NUBPL: variants seen among roughly 807,000 people sequenced by gnomAD.
NUBPL encodes the protein iron-sulfur cluster transfer protein NUBPL.
In NUBPL, 31 loss-of-function variants were observed where a neutral mutation model predicts 45.7. The ratio of observed to expected loss-of-function variants is 0.68; its 90% CI spans 0.51 to 0.92. The LOEUF is 0.92. NUBPL is among the 40% of genes least tolerant of loss of function. NUBPL has a pLI of 0.00. For missense variants in NUBPL, 401 were observed against 398.7 expected, an observed-to-expected ratio of 1.01 and a Z score of -0.05; for synonymous variants, 144 against 140.9, an observed-to-expected ratio of 1.02 and a Z score of -0.15.
At chr14:31,735,735 C>T (rs1350050790) in intron 6 of NUBPL, among the ~76,000 whole-genome samples, 2 of 152,040 alleles carry the variant, frequency 1.3e-5, no homozygotes, top group Non-Finnish European at 2.9e-5. Context: ...GCCTGTAATC[C>T]CAGCTACTCG....
intron 7 of NUBPL, among the ~76,000 whole-genome samples, chr14:31,800,401 A>G (rs1395649784): frequency 6.6e-6 from 1 of 152,228 alleles, no homozygotes; most frequent in Non-Finnish European, 1.5e-5. Flanking sequence ...CCCCACAACA[A>G]TTATAATAGT....
intron 6 of NUBPL, among the ~76,000 whole-genome samples, chr14:31,729,378 A>C (rs777695542): frequency 6.7e-6 from 1 of 150,094 alleles, no homozygotes; most frequent in Non-Finnish European, 1.5e-5. Context: ...GGCCCTTAGC[A>C]TTATAGGTGA....
intron 3 of NUBPL, among the ~76,000 whole-genome samples, chr14:31,573,912 C>A (rs1034196968): frequency 3.9e-5 from 6 of 151,966 alleles, no homozygotes; most frequent in African/African-American, 1.5e-4. Flanking sequence ...TCCTTGGTGC[C>A]TTGTCCAGTA....
chr14:31,705,882 A>G (rs1595521765), intron 6 of NUBPL, among the ~76,000 whole-genome samples: 1 of 152,164 alleles, frequency 6.6e-6, no homozygotes, highest in South Asian at 2.1e-4. Context: ...CTGGCTGGCC[A>G]TGCCCAGTGC....
chr14:31,676,379 G>T (rs1224531378), intron 6 of NUBPL, among the ~76,000 whole-genome samples: 2 of 151,984 alleles, frequency 1.3e-5, no homozygotes, highest in Non-Finnish European at 2.9e-5. Context: ...TGAAATTCAT[G>T]TTTATTGTTG....
intron 6 of NUBPL, among the ~76,000 whole-genome samples, chr14:31,697,337 G>T (rs574312630): frequency 6.6e-6 from 1 of 152,276 alleles, no homozygotes; most frequent in South Asian, 2.1e-4. Flanking sequence ...ATTGATCAAA[G>T]GGGAATGAAA....
intron 3 of NUBPL, among the ~76,000 whole-genome samples, chr14:31,568,104 T>C (rs2033486170): frequency 6.6e-6 from 1 of 152,212 alleles, no homozygotes; most frequent in Non-Finnish European, 1.5e-5. Context: ...GCCAGTAATA[T>C]GGTTTTTTTC....
intron 7 of NUBPL, among the ~76,000 whole-genome samples, chr14:31,798,133 C>G (rs1489581791): frequency 6.6e-6 from 1 of 152,086 alleles, no homozygotes; most frequent in East Asian, 1.9e-4. Context: ...GCCCCCTTAT[C>G]TTTCTTACCA....
chr14:31,818,373 C>CA (rs2039959801), intron 7 of NUBPL, among the ~76,000 whole-genome samples: 1 of 152,180 alleles, frequency 6.6e-6, no homozygotes, highest in African/African-American at 2.4e-5. Context: ...AGCACCACAT[C>CA]GCACTTACTC....
chr14:31,605,825 C>G (rs2139581150), intron 4 of NUBPL, among the ~76,000 whole-genome samples: 1 of 144,038 alleles, frequency 6.9e-6, no homozygotes, highest in Non-Finnish European at 1.5e-5. Context: ...CTTCTCCTTT[C>G]TCGTCTCCTC....
At position 31,688,655 on chromosome 14, in the gene NUBPL, G is replaced by GT. The variant is rs1400278768; in HGVS notation, c.513+15083dup. Among the ~76,000 whole-genome samples, 18 of 102,780 alleles carry GT rather than the reference G, an allele frequency of 1.8e-4. No individual in the cohort carries two copies. The East Asian group carries it at 1.9e-3, about 11-fold the overall frequency. The allele number at this position is 102,780 out of a possible 152,430, so 67.4% of individuals were successfully genotyped here. A position where few individuals can be genotyped will look rare whatever the true frequency, so the allele number is the denominator to read the frequency against. ...CTATCTGCCTGAACAGGTTTTTGTT[G>GT]TTGTTTTTTTTTTTTTTTAACTTTT... On this transcript the variant is annotated intron_variant, in intron 6 of 10. Coordinates refer to ENST00000281081, the MANE Select transcript of NUBPL (RefSeq NM_025152.3).
chr14:31,642,361 A>G (rs2035728691), intron 4 of NUBPL, among the ~76,000 whole-genome samples: 1 of 152,162 alleles, frequency 6.6e-6, no homozygotes, highest in Non-Finnish European at 1.5e-5. Flanking sequence ...ATTTTTGTAC[A>G]TGGTGAGAAA....
In NUBPL at chr14:31,608,000, A is replaced by G. The variant is rs138562399; in HGVS notation, c.382+8621A>G. Among the ~76,000 whole-genome samples, 59 of 152,356 alleles carry G rather than the reference A, an allele frequency of 3.9e-4. 1 individual carries two copies. Among genetic ancestry groups the G allele is most frequent in the African/African-American group, 1.3e-3 (52 of 41,582 alleles). ...ACAATCCTAAAAGCAGCAAGAGAAA[A>G]GAAATAAATGACATACAATGGAGCT... On this transcript the variant is annotated intron_variant, in intron 4 of 10. Coordinates refer to ENST00000281081, the MANE Select transcript of NUBPL (RefSeq NM_025152.3).
intron 7 of NUBPL, among the ~76,000 whole-genome samples, chr14:31,808,357 T>C (rs530738786): frequency 9.8e-5 from 15 of 152,358 alleles, no homozygotes; most frequent in Middle Eastern, 3.4e-3. Flanking sequence ...TCAGTGGGAT[T>C]CCTAGATATT....
intron 7 of NUBPL, among the ~76,000 whole-genome samples, chr14:31,793,418 C>G (rs561337226): frequency 6.6e-6 from 1 of 152,200 alleles, no homozygotes; most frequent in East Asian, 1.9e-4. Context: ...TCACTTCCCC[C>G]TCTTTGGAAA....
At chr14:31,678,434 C>T (rs369925418) in intron 6 of NUBPL, among the ~76,000 whole-genome samples, 131 of 152,348 alleles carry the variant, frequency 8.6e-4, no homozygotes, top group African/African-American at 3.1e-3. Context: ...CAGAGTCTCA[C>T]CCAAAGGACC....
intron 6 of NUBPL, among the ~76,000 whole-genome samples, chr14:31,682,668 T>G (rs2036861163): frequency 6.6e-6 from 1 of 152,218 alleles, no homozygotes; most frequent in African/African-American, 2.4e-5. Context: ...TATCTATCCC[T>G]CTTGGTATTA....
chr14:31,782,101 T>C (rs919752759), intron 6 of NUBPL, among the ~76,000 whole-genome samples: 14 of 152,142 alleles, frequency 9.2e-5, no homozygotes, highest in Admixed American at 9.2e-4. Context: ...TTTTTTCTTA[T>C]TAAAAACACA....
chr14:31,614,625 C>A, intron 4 of NUBPL, among the ~76,000 whole-genome samples: 1 of 151,960 alleles, frequency 6.6e-6, no homozygotes. Context: ...TTATTTTAAA[C>A]CTAGTGTTAA....
Sources: allele counts gnomAD v4.1 joint callset (sites outside exome capture counted in the v4.1 genomes callset), GRCh38; gene constraint gnomAD v4.1.1; transcripts MANE v1.5; gene names NCBI Gene and HGNC (gene_info 2026-07-23, HGNC 2026-07-21).